The following KIF26B variants were observed in gnomAD, a reference collection of about 807,000 sequenced individuals.
The protein encoded by KIF26B is kinesin-like protein KIF26B.
In KIF26B, 63 loss-of-function variants were observed where a neutral mutation model predicts 151.2. The ratio of observed to expected loss-of-function variants is 0.42; its 90% CI spans 0.34 to 0.51. The LOEUF is 0.51. Among genes scored for constraint, KIF26B ranks in the 20% least tolerant of loss-of-function variants. KIF26B has a pLI of 0.07. For synonymous variants in KIF26B, 1,357 were observed against 1,262.1 expected (o/e 1.08, Z -1.59); for missense variants, 2,813 against 2,913.6 (o/e 0.97, Z 0.79).
chr1:245,397,626 A>C (rs1436487923), intron 3 of KIF26B, among the ~76,000 whole-genome samples: 1 of 152,238 alleles, frequency 6.6e-6, no homozygotes, highest in Non-Finnish European at 1.5e-5. Flanking sequence ...GAGTGAAGGA[A>C]AGTCAGTGGC....
intron 4 of KIF26B, among the ~76,000 whole-genome samples, chr1:245,480,091 C>G (rs1295114405): frequency 1.4e-5 from 2 of 147,462 alleles, no homozygotes; most frequent in African/African-American, 5.0e-5. Flanking sequence ...TGGCGTGACC[C>G]TGTCTCTCCA....
At chr1:245,471,694 A>G (rs1033627631) in intron 4 of KIF26B, among the ~76,000 whole-genome samples, 1 of 152,164 alleles carries the variant, frequency 6.6e-6, no homozygotes, top group Non-Finnish European at 1.5e-5. Context: ...TATAATATAC[A>G]TATTAATCAA....
chr1:245,377,207 C>A (rs987133000), intron 3 of KIF26B, among the ~76,000 whole-genome samples: 1 of 152,250 alleles, frequency 6.6e-6, no homozygotes, highest in East Asian at 1.9e-4. Flanking sequence ...GAGCCACCGC[C>A]CCCAGCCTGT....
At chr1:245,303,325 A>T (rs903777132) in intron 2 of KIF26B, among the ~76,000 whole-genome samples, 22 of 148,922 alleles carry the variant, frequency 1.5e-4, no homozygotes, top group Non-Finnish European at 2.8e-4. Context: ...CAGCCTCCCG[A>T]GTAGCTGGGA....
chr1:245,541,720 C>T (rs1470201929), intron 5 of KIF26B, among the ~76,000 whole-genome samples: 1 of 152,156 alleles, frequency 6.6e-6, no homozygotes, highest in East Asian at 1.9e-4. Flanking sequence ...CCTTTACAGA[C>T]TTATCGTGAC....
At chr1:245,593,311 T>TC in intron 5 of KIF26B, among the ~76,000 whole-genome samples, 1 of 152,258 alleles carries the variant, frequency 6.6e-6, no homozygotes, top group African/African-American at 2.4e-5. Flanking sequence ...CCTAATGCTA[T>TC]CCCTCCCCTA....
intron 4 of KIF26B, among the ~76,000 whole-genome samples, chr1:245,473,888 T>C (rs1213292399): frequency 6.6e-6 from 1 of 151,808 alleles, no homozygotes; most frequent in Non-Finnish European, 1.5e-5. Context: ...GGTTTTTTTA[T>C]TGATACATAA....
At chr1:245,195,853 G>A (rs771679672) in intron 2 of KIF26B, among the ~76,000 whole-genome samples, 4 of 152,208 alleles carry the variant, frequency 2.6e-5, no homozygotes, top group African/African-American at 4.8e-5. Flanking sequence ...GGTGTGCTCG[G>A]AACCATTTGA....
At chr1:245,522,672 T>C (rs776112840) in intron 4 of KIF26B, among the ~76,000 whole-genome samples, 1 of 152,172 alleles carries the variant, frequency 6.6e-6, no homozygotes, top group Non-Finnish European at 1.5e-5. Context: ...GAATGTCCTT[T>C]TTTGACTAGA....
chr1:245,555,564 G>T (rs140954336), intron 5 of KIF26B, among the ~76,000 whole-genome samples: 2,138 of 152,286 alleles, frequency 0.014, 21 homozygotes, highest in Non-Finnish European at 0.023. Flanking sequence ...GATGAAGGGG[G>T]TGCTGGGGTT....
chr1:245,556,338 C>CCTT (rs1662034788), intron 5 of KIF26B, among the ~76,000 whole-genome samples: 3 of 132,268 alleles, frequency 2.3e-5, no homozygotes, highest in South Asian at 2.3e-4. Flanking sequence ...CCTTCTTCCT[C>CCTT]CTTCCTCCCT....
chr1:245,307,800 G>C (rs1671585250), intron 2 of KIF26B, among the ~76,000 whole-genome samples: 1 of 151,028 alleles, frequency 6.6e-6, no homozygotes, highest in Admixed American at 6.6e-5. Context: ...GAGTGCGGTG[G>C]CGCGATCTGG....
At chr1:245,608,479 C>T (rs1050871441) in intron 7 of KIF26B, among the ~76,000 whole-genome samples, 21 of 152,202 alleles carry the variant, frequency 1.4e-4, no homozygotes, top group African/African-American at 4.1e-4. Context: ...CCTCCCCAGC[C>T]CTTTCTCTTG....
Position 245,540,615 on chromosome 1 carries a change from T to C in KIF26B, c.1167-152T>C, listed in dbSNP as rs765728236. On this transcript the variant is annotated intron_variant, in intron 4 of 14. Transcript: ENST00000407071. This position sits in a 1 kb window ranked among gnomAD's most constrained non-coding sequence, Gnocchi z 4.6. ...GCTCGTTAACTTCACTCTGTTATAG[T>C]AAGGGACTGCTACAGAGGACACTGA... is the stretch of plus-strand genomic sequence containing the variant. 37 of 777,588 alleles carry C rather than the reference T, an allele frequency of 4.8e-5. No homozygotes were observed. Among genetic ancestry groups the C allele is most frequent in the East Asian group, 1.2e-4 (5 of 40,770 alleles). 48.2% of individuals were successfully genotyped at this position (777,588 alleles called of 1,614,324 possible). A position where few individuals can be genotyped will look rare whatever the true frequency, so the allele number is the denominator to read the frequency against.
chr1:245,444,021 T>C (rs1293064559), intron 4 of KIF26B, among the ~76,000 whole-genome samples: 19 of 127,754 alleles, frequency 1.5e-4, no homozygotes, highest in African/African-American at 3.2e-4. Context: ...TCTCCCTCAC[T>C]GTTCATCTAG....
At chr1:245,278,913 T>C (rs1014311583) in intron 2 of KIF26B, among the ~76,000 whole-genome samples, 2 of 152,200 alleles carry the variant, frequency 1.3e-5, no homozygotes, top group African/African-American at 2.4e-5. Flanking sequence ...CTTGCCCCCA[T>C]GCAGGAGTAA....
intron 9 of KIF26B, among the ~76,000 whole-genome samples, chr1:245,617,147 G>A (rs548597722): frequency 1.1e-4 from 16 of 152,314 alleles, no homozygotes; most frequent in Non-Finnish European, 1.9e-4. Context: ...CCAGGCTGGA[G>A]TGCAGTGGCG....
At chr1:245,475,577 T>C (rs1660017299) in intron 4 of KIF26B, among the ~76,000 whole-genome samples, 1 of 151,602 alleles carries the variant, frequency 6.6e-6, no homozygotes, top group Non-Finnish European at 1.5e-5. Flanking sequence ...TGGGAGAAAA[T>C]ATTTACAAAT....
At chr1:245,378,700 GT>G (rs1673332987) in intron 3 of KIF26B, among the ~76,000 whole-genome samples, 1 of 152,140 alleles carries the variant, frequency 6.6e-6, no homozygotes, top group Non-Finnish European at 1.5e-5. Context: ...AAAACAGATC[GT>G]TTTAGAAAGT....
Sources: gnomAD v4.1 joint callset for allele counts (sites outside exome capture counted in the v4.1 genomes callset) on GRCh38, gnomAD v4.1.1 for gene constraint, Gnocchi (gnomAD v3.1) non-coding constraint, MANE v1.5 for transcripts, NCBI Gene and HGNC (gene_info 2026-07-23, HGNC 2026-07-21) for gene names.